Variants in PAX2 observed in about 807,000 individuals in gnomAD.
The protein encoded by PAX2 is paired box 2.
PAX2 carries 9 observed loss-of-function variants against 41.7 expected under a neutral mutation model. That is an observed-to-expected ratio of 0.22 (90% CI 0.13 to 0.38). The LOEUF is 0.38. Ranked by LOEUF, PAX2 falls within the 10% of genes least tolerant of loss-of-function variation. PAX2 has a pLI of 1.00. For missense variants in PAX2, 418 were observed against 531.6 expected (o/e 0.79, Z 2.10); for synonymous variants, 221 against 212.7 (o/e 1.04, Z -0.34).
At position 100,745,898 on chromosome 10, in the gene PAX2, G is replaced by A. The variant is rs2133822466; in HGVS notation, c.-363G>A. On this transcript the variant is annotated 5_prime_UTR_variant, in exon 1 of 10. Transcript: ENST00000355243. The stretch of plus-strand genomic sequence containing the variant: ...GCCTCTCGGATGACCAGGTTCCAGG[G>A]GAGCTGAGCGAGTCGCCTCCCCCGC... The A allele has an allele frequency of 2.6e-6, 3 of 1,163,096 alleles. No homozygotes were observed. In the South Asian group the frequency reaches 8.3e-5, roughly 32 times the overall value. The allele number at this position is 1,163,096 out of a possible 1,614,324, so 72.0% of individuals were successfully genotyped here. A position where few individuals can be genotyped will look rare whatever the true frequency, so the allele number is the denominator to read the frequency against.
At chr10:100,773,502 T>C (rs986818512) in intron 3 of PAX2, among the ~76,000 whole-genome samples, 3 of 152,116 alleles carry the variant, frequency 2.0e-5, no homozygotes, top group African/African-American at 7.2e-5. Flanking sequence ...CATAACATAA[T>C]ATGATGGGTA....
chr10:100,781,470 T>C, intron 5 of PAX2, 105 bp downstream of exon 5: 1 of 1,229,288 alleles, frequency 8.1e-7, no homozygotes, highest in Non-Finnish European at 1.2e-6. Flanking sequence ...GTGAGATCAA[T>C]TTTAGTAGCA....
intron 1 of PAX2, among the ~76,000 whole-genome samples, chr10:100,739,616 C>T (rs949711699): frequency 3.3e-5 from 5 of 152,228 alleles, no homozygotes; most frequent in Admixed American, 2.6e-4. Flanking sequence ...TGTTTCGCTC[C>T]CTCTGGTCTC....
exon 1 of PAX2, chr10:100,735,537 G>A: frequency 2.7e-6 from 1 of 366,650 alleles, no homozygotes; most frequent in Non-Finnish European, 4.1e-6. Flanking sequence ...CGCGGGCGGA[G>A]CACACAGCCG....
At chr10:100,735,811 G>C in intron 1 of PAX2, 9 of 918,326 alleles carry the variant, frequency 9.8e-6, no homozygotes, top group Non-Finnish European at 1.2e-5. Flanking sequence ...GCCGGGGCGG[G>C]CTCCTCTCCT....
Position 100,748,547 on chromosome 10 carries a change from C to A in PAX2, c.44-1199C>A, listed in dbSNP as rs1221980295. ...GCCAGTCCGGGCCGACCCGACTCGG[C>A]CGCTAGAAGTCTCTGCGCTTGGATT... is the stretch of plus-strand genomic sequence containing the variant. On this transcript the variant is annotated intron_variant, in intron 1 of 9. Coordinates refer to ENST00000355243, the MANE Select transcript of PAX2 (RefSeq NM_000278.5). The surrounding 1 kb of genome is among the most constrained non-coding windows in gnomAD (Gnocchi z 5.0). The A allele has an allele frequency of 1.0e-6, 1 of 985,312 alleles. No homozygotes were observed. The highest frequency in any genetic ancestry group is 1.1e-4 in the East Asian group (1 of 8,820). The allele number at this position is 985,312 out of a possible 1,614,324, so 61.0% of individuals were successfully genotyped here. A position where few individuals can be genotyped will look rare whatever the true frequency, so the allele number is the denominator to read the frequency against.
At chr10:100,736,892 T>C (rs1844791383) in intron 1 of PAX2, among the ~76,000 whole-genome samples, 1 of 152,160 alleles carries the variant, frequency 6.6e-6, no homozygotes. Flanking sequence ...CAATCTCTGA[T>C]GGTGTTGAAG....
chr10:100,781,095 C>A, intron 4 of PAX2, 151 bp from the exon 5 acceptor site: 1 of 803,594 alleles, frequency 1.2e-6, no homozygotes. Context: ...TAAATAGACC[C>A]CAGAGGAAGT....
intron 7 of PAX2, among the ~76,000 whole-genome samples, chr10:100,812,112 G>A (rs1848008957): frequency 6.6e-6 from 1 of 152,210 alleles, no homozygotes; most frequent in Non-Finnish European, 1.5e-5. Context: ...GCAAGCAAGG[G>A]TGGCTGCCGG....
At chr10:100,754,322 C>T (rs1254778166) in intron 3 of PAX2, among the ~76,000 whole-genome samples, 1 of 152,216 alleles carries the variant, frequency 6.6e-6, no homozygotes, top group Non-Finnish European at 1.5e-5. Context: ...CTGACAATCC[C>T]CCGAGGGTGC....
At chr10:100,735,820 C>A in intron 1 of PAX2, 1 of 870,350 alleles carries the variant, frequency 1.1e-6, no homozygotes, top group African/African-American at 1.8e-5. Flanking sequence ...GGCTCCTCTC[C>A]TCTTTCATCC....
chr10:100,785,399 G>A (rs59172398), intron 5 of PAX2, among the ~76,000 whole-genome samples: 1 of 152,136 alleles, frequency 6.6e-6, no homozygotes, highest in African/African-American at 2.4e-5. Flanking sequence ...ATCCTTTGAG[G>A]TGTGAGATTG....
In PAX2 at chr10:100,812,271, G is replaced by C. The variant is rs541443585; in HGVS notation, c.919+3035G>C. Among the ~76,000 whole-genome samples the C allele has an allele frequency of 1.3e-3, 199 of 152,342 alleles. 1 individual carries two copies. Among genetic ancestry groups the C allele is most frequent in the African/African-American group, 4.7e-3 (195 of 41,580 alleles). On this transcript the variant is annotated intron_variant, in intron 7 of 9. Transcript: ENST00000355243. ...CTCAGCAAGCTGCCAAGTCAAGCTG[G>C]TTATTTAAATTTATCACCCACTTTC...
chr10:100,780,822 C>T (rs1846591506), intron 4 of PAX2, among the ~76,000 whole-genome samples: 1 of 152,158 alleles, frequency 6.6e-6, no homozygotes. Flanking sequence ...GAAGGGTTTG[C>T]CCAGCCCCAG....
Position 100,824,941 on chromosome 10 carries a change from C to T in PAX2, c.1021+192C>T, listed in dbSNP as rs770361497. 34 of 1,613,958 alleles carry T rather than the reference C, an allele frequency of 2.1e-5. No individual in the cohort carries two copies. Among genetic ancestry groups the T allele is most frequent in the Middle Eastern group, 1.6e-4 (1 of 6,084 alleles). The stretch of plus-strand genomic sequence containing the variant: ...CCCTCATCCTCCCTCATGAGCAAGC[C>T]GGGGAGGAAGCTTGCAGAAGTGCCC... On this transcript the variant is annotated intron_variant, in intron 8 of 9. Coordinates refer to ENST00000355243, the MANE Select transcript of PAX2 (RefSeq NM_000278.5). The surrounding 1 kb of genome is among the most constrained non-coding windows in gnomAD (Gnocchi z 6.6).
chr10:100,809,389 G>T (rs535694284), intron 7 of PAX2, among the ~76,000 whole-genome samples, 153 bp downstream of exon 7: 2 of 152,216 alleles, frequency 1.3e-5, no homozygotes, highest in South Asian at 4.1e-4. Flanking sequence ...CTGAACAGGG[G>T]TGTGCAGATG....
chr10:100,738,888 G>A (rs1159033713), intron 1 of PAX2, among the ~76,000 whole-genome samples: 1 of 152,026 alleles, frequency 6.6e-6, no homozygotes, highest in Non-Finnish European at 1.5e-5. Flanking sequence ...CAAGTTCGGG[G>A]AACGGATGGC....
chr10:100,777,661 C>T (rs534808631), intron 3 of PAX2, among the ~76,000 whole-genome samples: 2 of 152,336 alleles, frequency 1.3e-5, no homozygotes, highest in East Asian at 3.9e-4. Context: ...TCCCAAAGTG[C>T]TGGGATTACA....
chr10:100,771,763 C>T (rs1162521644), intron 3 of PAX2, among the ~76,000 whole-genome samples: 1 of 152,186 alleles, frequency 6.6e-6, no homozygotes, highest in Non-Finnish European at 1.5e-5. Context: ...GAAGCAATAA[C>T]CACCTGCATT....
Sources: gnomAD v4.1 joint callset for allele counts (sites outside exome capture counted in the v4.1 genomes callset) on GRCh38, gnomAD v4.1.1 for gene constraint, Gnocchi (gnomAD v3.1) non-coding constraint, MANE v1.5 for transcripts, NCBI Gene and HGNC (gene_info 2026-07-23, HGNC 2026-07-21) for gene names.